SPOCK3: variants seen among roughly 807,000 people sequenced by gnomAD.
The protein encoded by SPOCK3 is testican-3.
Under a neutral mutation model 56.6 loss-of-function variants are expected in SPOCK3, and 30 were observed. That is an observed-to-expected ratio of 0.53 (90% CI 0.40 to 0.72). The LOEUF (loss-of-function observed/expected upper bound fraction) is 0.72. SPOCK3 is among the 30% of genes least tolerant of loss of function. The pLI is 0.00. For missense variants in SPOCK3, 527 were observed against 530.0 expected, an observed-to-expected ratio of 0.99 and a Z score of 0.06; for synonymous variants, 196 against 183.3, an observed-to-expected ratio of 1.07 and a Z score of -0.56.
chr4:166,834,803 C>G (rs1454307845), intron 6 of SPOCK3, among the ~76,000 whole-genome samples: 1 of 152,046 alleles, frequency 6.6e-6, no homozygotes, highest in African/African-American at 2.4e-5. Context: ...GTTTTTCTCT[C>G]TCTCTTTCTC....
At chr4:166,924,525 C>T (rs1395594658) in intron 4 of SPOCK3, among the ~76,000 whole-genome samples, 1 of 152,214 alleles carries the variant, frequency 6.6e-6, no homozygotes, top group East Asian at 1.9e-4. Context: ...ATGCTCACCA[C>T]AGTCTCTCTT....
At chr4:167,150,555 G>A (rs943506804) in intron 2 of SPOCK3, among the ~76,000 whole-genome samples, 2 of 152,054 alleles carry the variant, frequency 1.3e-5, no homozygotes, top group Non-Finnish European at 2.9e-5. Flanking sequence ...GTGCAAACCA[G>A]CTTAGACCGT....
intron 2 of SPOCK3, among the ~76,000 whole-genome samples, chr4:167,089,770 G>T (rs1758539831): frequency 1.3e-5 from 2 of 152,244 alleles, no homozygotes; most frequent in Non-Finnish European, 2.9e-5. Flanking sequence ...ACCTGAGAAA[G>T]TTCTTTCATA....
At chr4:167,007,972 CAT>C (rs1279711905) in intron 3 of SPOCK3, among the ~76,000 whole-genome samples, 12 of 152,140 alleles carry the variant, frequency 7.9e-5, no homozygotes, top group South Asian at 2.1e-4. Flanking sequence ...AAATTTTTCA[CAT>C]GTTTCTAAGT....
Position 166,800,745 on chromosome 4 carries a change from A to G in SPOCK3, c.590-8456T>C, listed in dbSNP as rs117544470. ...TAAAAGTTTATAAAGTAAAAAAGTTACAGTAGCCAAGGTTAATTTTGATTA... is the reference window on the plus strand; with the variant it reads ...TAAAAGTTTATAAAGTAAAAAAGTTGCAGTAGCCAAGGTTAATTTTGATTA... On this transcript the variant is annotated intron_variant, in intron 6 of 10. Transcript: ENST00000357545. 4.0e-3 allele frequency among the ~76,000 whole-genome samples: 612 copies of G among 152,336 alleles called. 11 individuals carry two copies. The highest frequency in any genetic ancestry group is 0.026 in the Admixed American group (402 of 15,306).
chr4:166,952,480 A>C (rs1396760303), intron 4 of SPOCK3, among the ~76,000 whole-genome samples: 1 of 152,208 alleles, frequency 6.6e-6, no homozygotes, highest in Non-Finnish European at 1.5e-5. Context: ...GGTAGGAAGA[A>C]TCAATATCGT....
chr4:167,220,339 A>G (rs1056745409), intron 2 of SPOCK3, among the ~76,000 whole-genome samples: 1 of 151,070 alleles, frequency 6.6e-6, no homozygotes, highest in Admixed American at 6.6e-5. Flanking sequence ...GCTTCTGAAG[A>G]TGTTAAACTT....
At chr4:167,064,234 A>C (rs928979216) in intron 2 of SPOCK3, among the ~76,000 whole-genome samples, 1 of 151,834 alleles carries the variant, frequency 6.6e-6, no homozygotes, top group Non-Finnish European at 1.5e-5. Flanking sequence ...AAAAAGAAAA[A>C]AATGACATCA....
At chr4:167,147,796 C>T (rs533403266) in intron 2 of SPOCK3, among the ~76,000 whole-genome samples, 75 of 152,138 alleles carry the variant, frequency 4.9e-4, no homozygotes, top group Admixed American at 4.4e-3. Context: ...ACATCACACA[C>T]CAGGGCCCGT....
At chr4:166,847,619 A>ATTT (rs1748195599) in intron 6 of SPOCK3, among the ~76,000 whole-genome samples, 6 of 138,076 alleles carry the variant, frequency 4.3e-5, no homozygotes, top group Admixed American at 2.2e-4. Flanking sequence ...GGTAAAATTA[A>ATTT]GCCACAATTC....
chr4:166,880,889 T>C (rs1195881806), intron 6 of SPOCK3, among the ~76,000 whole-genome samples: 1 of 152,194 alleles, frequency 6.6e-6, no homozygotes, highest in African/African-American at 2.4e-5. Flanking sequence ...TCATTAAGTA[T>C]TTAAAAATCC....
intron 3 of SPOCK3, among the ~76,000 whole-genome samples, chr4:167,046,192 T>C (rs1241645173): frequency 6.6e-6 from 1 of 152,098 alleles, no homozygotes; most frequent in Non-Finnish European, 1.5e-5. Context: ...TGTTTGATTC[T>C]CTACAGGAAA....
intron 7 of SPOCK3, among the ~76,000 whole-genome samples, chr4:166,778,178 T>C (rs1442191667): frequency 3.9e-5 from 6 of 152,150 alleles, no homozygotes. Flanking sequence ...CTATCAAACA[T>C]AAATATTTAC....
intron 4 of SPOCK3, among the ~76,000 whole-genome samples, chr4:166,962,176 T>A (rs1160785731): frequency 1.8e-4 from 28 of 152,130 alleles, no homozygotes; most frequent in Non-Finnish European, 4.0e-4. Context: ...ATTTAACATA[T>A]CATAAGGTCA....
intron 2 of SPOCK3, among the ~76,000 whole-genome samples, chr4:167,184,472 C>A (rs1731781774): frequency 1.3e-5 from 2 of 152,274 alleles, no homozygotes; most frequent in South Asian, 4.1e-4. Context: ...TGAGCATTCA[C>A]ACTGAGCCAG....
intron 6 of SPOCK3, among the ~76,000 whole-genome samples, chr4:166,817,718 A>C (rs1240089253): frequency 6.6e-6 from 1 of 152,104 alleles, no homozygotes; most frequent in Non-Finnish European, 1.5e-5. Context: ...AATCTAAAGA[A>C]AACAAAGGTA....
chr4:167,061,216 A>C (rs1755573360), intron 3 of SPOCK3, among the ~76,000 whole-genome samples: 1 of 151,980 alleles, frequency 6.6e-6, no homozygotes, highest in African/African-American at 2.4e-5. Flanking sequence ...CAAATTCCAT[A>C]GCTAACACCC....
chr4:166,772,563 GA>G (rs746147789), intron 7 of SPOCK3, among the ~76,000 whole-genome samples: 9 of 117,196 alleles, frequency 7.7e-5, no homozygotes, highest in Non-Finnish European at 1.7e-4. Flanking sequence ...AGAAAGAGAG[GA>G]AAAAAGTAAG....
chr4:166,878,090 A>G (rs900971347), intron 6 of SPOCK3, among the ~76,000 whole-genome samples: 1 of 152,180 alleles, frequency 6.6e-6, no homozygotes, highest in African/African-American at 2.4e-5. Flanking sequence ...AGCCTGGCCA[A>G]CATGGTGAAA....
Sources: allele counts gnomAD v4.1 joint callset (sites outside exome capture counted in the v4.1 genomes callset), GRCh38; gene constraint gnomAD v4.1.1; transcripts MANE v1.5; gene names NCBI Gene and HGNC (gene_info 2026-07-23, HGNC 2026-07-21).